The following CORO2B variants were observed in gnomAD, a reference collection of about 807,000 sequenced individuals.
CORO2B encodes coronin 2B.
A neutral mutation model predicts 58.8 loss-of-function variants in CORO2B; 26 were observed. That is an observed-to-expected ratio of 0.44 (90% CI 0.32 to 0.61). The LOEUF (loss-of-function observed/expected upper bound fraction) is 0.61, where lower values mean the gene tolerates loss of function less well. CORO2B is among the 20% of genes least tolerant of loss of function. The pLI is 0.04. For synonymous variants in CORO2B, 242 were observed against 253.8 expected (o/e 0.95, Z 0.44); for missense variants, 460 against 645.1 (o/e 0.71, Z 3.11).
At chr15:68,695,625 G>A (rs1892492539) in intron 3 of CORO2B, among the ~76,000 whole-genome samples, 1 of 152,232 alleles carries the variant, frequency 6.6e-6, no homozygotes, top group South Asian at 2.1e-4. Flanking sequence ...GGATGGGCAT[G>A]AGGAAAAGAG....
chr15:68,721,885 C>T (rs1893170778), intron 11 of CORO2B, among the ~76,000 whole-genome samples: 1 of 152,084 alleles, frequency 6.6e-6, no homozygotes, highest in Non-Finnish European at 1.5e-5. Flanking sequence ...GTAGCTGGAA[C>T]TAGCGGCGTG....
chr15:68,601,707 G>T (rs1168112775), intron 1 of CORO2B, among the ~76,000 whole-genome samples: 1 of 152,242 alleles, frequency 6.6e-6, no homozygotes, highest in Non-Finnish European at 1.5e-5. Context: ...GGCCGGAGAA[G>T]AAATGAGGGC....
chr15:68,679,342 A>T (rs1185427182), intron 2 of CORO2B, among the ~76,000 whole-genome samples: 2 of 152,192 alleles, frequency 1.3e-5, no homozygotes, highest in Non-Finnish European at 2.9e-5. Context: ...CTTTCTGAGC[A>T]CATGCACCGG....
At chr15:68,539,423 A>G in the CORO2B span, among the ~76,000 whole-genome samples, 1 of 152,328 alleles carries the variant, frequency 6.6e-6, no homozygotes, top group African/African-American at 2.4e-5. Context: ...CTGTAATCCC[A>G]GCACTTTGGG....
At chr15:68,551,897 C>A in the CORO2B span, among the ~76,000 whole-genome samples, 2 of 151,428 alleles carry the variant, frequency 1.3e-5, no homozygotes, top group African/African-American at 4.8e-5. Context: ...GGCCCAGAAC[C>A]GATGGCCCAC....
chr15:68,575,583 G>A (rs11072036), upstream of CORO2B, among the ~76,000 whole-genome samples: 322 of 55,978 alleles, frequency 5.8e-3, 53 homozygotes, highest in African/African-American at 0.015. Context: ...ATCTGCCCCC[G>A]CCTCGGCCTC....
chr15:68,566,886 C>T, the CORO2B span, among the ~76,000 whole-genome samples: 1 of 152,198 alleles, frequency 6.6e-6, no homozygotes, highest in Admixed American at 6.5e-5. Flanking sequence ...ATATACACAA[C>T]TCGTTGGGGT....
the CORO2B span, among the ~76,000 whole-genome samples, chr15:68,527,028 G>C: frequency 6.6e-6 from 1 of 152,160 alleles, no homozygotes; most frequent in Non-Finnish European, 1.5e-5. Flanking sequence ...GAGAGAAAAG[G>C]CCGTGGGAGG....
At chr15:68,582,264 A>G (rs1381032288) in intron 1 of CORO2B, among the ~76,000 whole-genome samples, 1 of 152,132 alleles carries the variant, frequency 6.6e-6, no homozygotes, top group African/African-American at 2.4e-5. Context: ...TTTAAACTTT[A>G]TTTGATTGTA....
At chr15:68,643,152 A>G (rs1291021243) in intron 1 of CORO2B, among the ~76,000 whole-genome samples, 2 of 152,248 alleles carry the variant, frequency 1.3e-5, no homozygotes, top group Admixed American at 6.5e-5. Flanking sequence ...AAATAAACAC[A>G]TGACTGGCTA....
chr15:68,519,540 T>C, the CORO2B span, among the ~76,000 whole-genome samples: 2 of 152,184 alleles, frequency 1.3e-5, no homozygotes, highest in African/African-American at 4.8e-5. Context: ...ATATTGATGA[T>C]TTTTTGCTCT....
chr15:68,555,089 C>A, the CORO2B span, among the ~76,000 whole-genome samples: 1 of 152,148 alleles, frequency 6.6e-6, no homozygotes, highest in Admixed American at 6.5e-5. Context: ...GTAGCTCACT[C>A]TTCAGGGGCA....
At chr15:68,708,472 TGCCTCAGCA>T (rs1406723187) in intron 3 of CORO2B, among the ~76,000 whole-genome samples, 1 of 148,456 alleles carries the variant, frequency 6.7e-6, no homozygotes, top group Non-Finnish European at 1.5e-5. Context: ...ACCATTCTCC[TGCCTCAGCA>T]GCCCAAGTGG....
intron 11 of CORO2B, 100 bp from the exon 12 acceptor site, chr15:68,725,743 A>AG: frequency 6.7e-7 from 1 of 1,500,140 alleles, no homozygotes. Flanking sequence ...GGGGAATGTG[A>AG]GGGCACGGGC....
At chr15:68,692,509 C>T (rs1355358033) in intron 2 of CORO2B, among the ~76,000 whole-genome samples, 2 of 151,488 alleles carry the variant, frequency 1.3e-5, no homozygotes, top group Non-Finnish European at 1.5e-5. Context: ...CGCTTGAACC[C>T]GGGAGGCGGA....
rs66852519 is a variant in CORO2B, at chr15:68,587,046, GTA to G, written c.15+7772_15+7773del. ...TTAAAGTCAAACTATAGGGAGATATGTATACACACACACACACACACACACAC... is the reference window on the plus strand; with the variant it reads ...TTAAAGTCAAACTATAGGGAGATATGTACACACACACACACACACACACAC... On this transcript the variant is annotated intron_variant, in intron 1 of 11. Coordinates refer to ENST00000261861, the MANE Select transcript of CORO2B (RefSeq NM_006091.5). Among the ~76,000 whole-genome samples the G allele has an allele frequency of 4.6e-3, 161 of 35,140 alleles. 1 individual carries two copies. In the East Asian group the frequency reaches 0.14, roughly 31 times the overall value. 23.1% of individuals were successfully genotyped at this position (35,140 alleles called of 152,430 possible).
chr15:68,580,483 A>G (rs1281067091), intron 1 of CORO2B, among the ~76,000 whole-genome samples: 1 of 152,068 alleles, frequency 6.6e-6, no homozygotes, highest in African/African-American at 2.4e-5. Context: ...TGCCCTCCTG[A>G]GGTCTGCCCC....
chr15:68,680,499 C>T (rs149667412), intron 2 of CORO2B, among the ~76,000 whole-genome samples: 85 of 152,274 alleles, frequency 5.6e-4, no homozygotes, highest in African/African-American at 2.0e-3. Context: ...AATGGTACCC[C>T]CTTGAGTTGT....
chr15:68,682,387 G>A (rs576854790), intron 2 of CORO2B, among the ~76,000 whole-genome samples: 2 of 152,272 alleles, frequency 1.3e-5, no homozygotes, highest in South Asian at 4.1e-4. Context: ...AGATGTAAAG[G>A]CGTTTGTGGG....
Sources: gnomAD v4.1 joint callset for allele counts (sites outside exome capture counted in the v4.1 genomes callset) on GRCh38, gnomAD v4.1.1 for gene constraint, MANE v1.5 for transcripts, NCBI Gene and HGNC (gene_info 2026-07-23, HGNC 2026-07-21) for gene names.